The following CBR3 variants were observed in gnomAD, a reference collection of about 807,000 sequenced individuals.
CBR3 encodes the protein carbonyl reductase 3.
A neutral mutation model predicts 11.6 loss-of-function variants in CBR3; 14 were observed. That is an observed-to-expected ratio of 1.20 (90% CI 0.79 to 1.88). The LOEUF (loss-of-function observed/expected upper bound fraction) is 1.88, where lower values mean the gene tolerates loss of function less well. Among genes scored for constraint, CBR3 ranks in the 40% most tolerant of loss-of-function variants. CBR3 has a pLI of 0.00. For missense variants in CBR3, 308 were observed against 357.3 expected, an observed-to-expected ratio of 0.86 and a Z score of 1.11; for synonymous variants, 125 against 145.6, an observed-to-expected ratio of 0.86 and a Z score of 1.02.
At chr21:36,141,345 G>A (rs918393666) in intron 2 of CBR3, 6 of 151,556 alleles carry the variant, frequency 4.0e-5, no homozygotes, top group Non-Finnish European at 7.4e-5. Flanking sequence ...TGCTTTGAAC[G>A]CTTACATTAG....
intron 2 of CBR3, chr21:36,145,096 T>C (rs911534827): frequency 2.0e-5 from 3 of 152,196 alleles, no homozygotes; most frequent in Non-Finnish European, 2.9e-5. Context: ...AGAGCAAGAC[T>C]GCGTCTTAAA....
At chr21:36,141,257 G>A (rs1258386932) in intron 2 of CBR3, 5 of 30,202 alleles carry the variant, frequency 1.7e-4, no homozygotes, top group Non-Finnish European at 2.7e-4. Context: ...GCAAGTCCTT[G>A]TCTCAAAAAA....
rs796406412 is a variant in CBR3 at position 36,144,379 on chromosome 21, T to C, written c.398-1697T>C. Among the ~76,000 whole-genome samples, 8 of 151,760 alleles carry C rather than the reference T, an allele frequency of 5.3e-5. No homozygotes were observed. In the South Asian group the frequency reaches 1.7e-3, roughly 32 times the overall value. ...AGGCTGAAGCAGTAGAATCACTTGA[T>C]CCTGGGAGGCGGAGGTTGCAGTGAG... On this transcript the variant is annotated intron_variant, in intron 2 of 2. Coordinates refer to ENST00000290354, the MANE Select transcript of CBR3 (RefSeq NM_001236.4).
intron 2 of CBR3, 116 bp from the exon 3 acceptor site, chr21:36,145,960 C>CG (rs1555883649): frequency 2.6e-6 from 1 of 391,744 alleles, no homozygotes; most frequent in Admixed American, 5.4e-5. Context: ...GACTCTGTCT[C>CG]AAAAAAAAAA....
chr21:36,143,747 G>A (rs2065732065), intron 2 of CBR3, among the ~76,000 whole-genome samples: 1 of 151,956 alleles, frequency 6.6e-6, no homozygotes, highest in Non-Finnish European at 1.5e-5. Context: ...GAGTGCAGTG[G>A]TGTGTGCCTG....
At position 36,146,075 on chromosome 21, in the gene CBR3, G is replaced by A. The variant is rs754529811; in HGVS notation, c.398-1G>A. ...TTCATATATTTATCATTCTGTTTCAGGGAGAGTGGTGAATATCAGTAGTTT... is the reference window on the plus strand; with the variant it reads ...TTCATATATTTATCATTCTGTTTCAAGGAGAGTGGTGAATATCAGTAGTTT... On this transcript the variant is annotated splice_acceptor_variant, in intron 2 of 2. Transcript: ENST00000290354. LOFTEE classifies it high-confidence loss of function. 6.2e-7 allele frequency: 1 copy of A among 1,603,246 alleles called. No homozygotes were observed. Among genetic ancestry groups the A allele is most frequent in the South Asian group, 1.1e-5 (1 of 90,802 alleles).
intron 2 of CBR3, among the ~76,000 whole-genome samples, chr21:36,141,007 C>CAA (rs1217520274): frequency 2.8e-3 from 158 of 56,112 alleles, no homozygotes; most frequent in African/African-American, 9.2e-3. Context: ...CACTCCATCT[C>CAA]AAAAAAAAAA....
intron 2 of CBR3, among the ~76,000 whole-genome samples, chr21:36,144,557 G>T (rs1197122266): frequency 1.8e-5 from 2 of 112,478 alleles, no homozygotes; most frequent in African/African-American, 7.1e-5. Flanking sequence ...ATCCTGGGAG[G>T]CGGAGGTTGC....
At chr21:36,143,148 T>C (rs1397323848) in intron 2 of CBR3, among the ~76,000 whole-genome samples, 1 of 151,676 alleles carries the variant, frequency 6.6e-6, no homozygotes, top group Admixed American at 6.6e-5. Context: ...CTCCTAAAAA[T>C]ACAAAAATTA....
chr21:36,137,469 A>C (rs2065668208), intron 1 of CBR3: 1 of 191,036 alleles, frequency 5.2e-6, no homozygotes, highest in East Asian at 1.4e-4. Context: ...GAGGAAGAAA[A>C]GAAAGAGAAA....
intron 2 of CBR3, chr21:36,141,549 C>CT (rs1006117232): frequency 1.3e-5 from 2 of 152,242 alleles, no homozygotes; most frequent in African/African-American, 4.8e-5. Flanking sequence ...GTGGAACCAT[C>CT]AGAGGGCAGG....
intron 2 of CBR3, chr21:36,141,684 G>C (rs1039430715): frequency 6.6e-6 from 1 of 152,332 alleles, no homozygotes; most frequent in African/African-American, 2.4e-5. Context: ...CAGGTGTTTC[G>C]GGACCGGTGG....
intron 2 of CBR3, chr21:36,141,478 G>A (rs184076665): frequency 3.9e-5 from 6 of 152,290 alleles, no homozygotes; most frequent in African/African-American, 1.4e-4. Flanking sequence ...GGGCCTCCAA[G>A]TACAGATTCT....
chr21:36,139,663 T>G (rs1278744661), intron 2 of CBR3, among the ~76,000 whole-genome samples: 3 of 152,066 alleles, frequency 2.0e-5, no homozygotes. Context: ...ATTACAGGTG[T>G]GAGCTACTGC....
In CBR3 at chr21:36,146,057, A is replaced by G. The variant is rs2065752637; in HGVS notation, c.398-19A>G. 4 of 1,557,738 alleles carry G rather than the reference A, an allele frequency of 2.6e-6. No homozygotes were observed. In the African/African-American group the frequency reaches 4.1e-5, roughly 16 times the overall value. ...GTACCTCTGTGATATGCTTTCATATATTTATCATTCTGTTTCAGGGAGAGT... is the reference window on the plus strand; with the variant it reads ...GTACCTCTGTGATATGCTTTCATATGTTTATCATTCTGTTTCAGGGAGAGT... On this transcript the variant is annotated intron_variant, in intron 2 of 2. Coordinates refer to ENST00000290354, the MANE Select transcript of CBR3 (RefSeq NM_001236.4).
chr21:36,146,272 G>A lies in CBR3; in HGVS notation c.594G>A (p.Lys198=). 6.2e-7 allele frequency: 1 copy of A among 1,614,212 alleles called. No homozygotes were observed. Among genetic ancestry groups the A allele is most frequent in the South Asian group, 1.1e-5 (1 of 91,086 alleles). ...GWPNSPYGVS[K]LGVTVLSRIL... is the part of the protein sequence containing the mutation. ...CCAACTCACCTTATGGGGTGTCCAA[G>A]TTGGGGGTCACGGTCTTATCGAGGA... The change falls in exon 3 of 3, where the codon AAG becomes AAA. Residue 198 remains lysine (K), a synonymous_variant. Transcript: ENST00000290354.
chr21:36,139,024 T>G (rs765772607), intron 2 of CBR3, among the ~76,000 whole-genome samples: 11 of 152,014 alleles, frequency 7.2e-5, no homozygotes, highest in Non-Finnish European at 1.0e-4. Context: ...GGATTACAGG[T>G]GTGAGCCACC....
intron 2 of CBR3, chr21:36,141,753 G>A (rs889886108): frequency 1.2e-4 from 21 of 172,822 alleles, no homozygotes; most frequent in Admixed American, 3.3e-4. Flanking sequence ...GGCTGATGAC[G>A]CATCTGGCTG....
At chr21:36,144,136 T>A (rs1187726209) in intron 2 of CBR3, among the ~76,000 whole-genome samples, 1 of 151,950 alleles carries the variant, frequency 6.6e-6, no homozygotes, top group African/African-American at 2.4e-5. Context: ...TTGGAGTGTG[T>A]ATGCTGGGGA....
Sources: gnomAD v4.1 joint callset for allele counts (sites outside exome capture counted in the v4.1 genomes callset) on GRCh38, gnomAD v4.1.1 for gene constraint, MANE v1.5 for transcripts, NCBI Gene and HGNC (gene_info 2026-07-23, HGNC 2026-07-21) for gene names.